The following LRP4 variants were observed in gnomAD, a reference collection of about 807,000 sequenced individuals.
LRP4 encodes LDL receptor related protein 4.
In LRP4, 95 loss-of-function variants were observed where a neutral mutation model predicts 220.3. The ratio of observed to expected loss-of-function variants is 0.43; its 90% CI spans 0.37 to 0.51. The LOEUF (loss-of-function observed/expected upper bound fraction) is 0.51. Among genes scored for constraint, LRP4 ranks in the 20% least tolerant of loss-of-function variants. The probability of loss-of-function intolerance (pLI) is 0.00; values close to 1 mark genes in which losing one functional copy is unlikely to be tolerated. For synonymous variants in LRP4, 903 were observed against 954.6 expected (o/e 0.95, Z 1.00); for missense variants, 1,925 against 2,567.0 (o/e 0.75, Z 5.40).
At chr11:46,901,216 A>G (rs78245033) in intron 2 of LRP4, among the ~76,000 whole-genome samples, 202 of 152,346 alleles carry the variant, frequency 1.3e-3, no homozygotes, top group African/African-American at 4.7e-3. Context: ...TGAGGGGTTC[A>G]CAGGGTAGGG....
At chr11:46,900,412 A>C in intron 2 of LRP4, 34 bp from the exon 3 acceptor site, 1 of 1,298,530 alleles carries the variant, frequency 7.7e-7, no homozygotes, top group South Asian at 1.2e-5. Flanking sequence ...AAAGTCAATC[A>C]ACCTGGTATT....
intron 1 of LRP4, among the ~76,000 whole-genome samples, chr11:46,915,541 C>T (rs1941934684): frequency 6.6e-6 from 1 of 152,118 alleles, no homozygotes; most frequent in Admixed American, 6.6e-5. Context: ...AAATAAGCAC[C>T]TTAAACTTTA....
At chr11:46,889,125 C>T (rs572856752) in intron 16 of LRP4, among the ~76,000 whole-genome samples, 1 of 152,208 alleles carries the variant, frequency 6.6e-6, no homozygotes, top group Non-Finnish European at 1.5e-5. Context: ...AACCCTCTTG[C>T]TGCCTATAGA....
chr11:46,883,925 A>G lies in LRP4; in HGVS notation c.2558T>C (p.Leu853Pro). 6.2e-7 allele frequency: 1 copy of G among 1,614,208 alleles called. No homozygotes were observed. The highest frequency in any genetic ancestry group is 8.5e-7 in the Non-Finnish European group (1 of 1,180,030). Residue 853 changes from leucine (L) to proline (P), a missense_variant, in exon 19 of 38, where the codon CTC becomes CCC. This residue lies in a region of LRP4 where 1,244 missense variants were observed against 1,624.9 expected (regional missense o/e 0.77). Coordinates refer to ENST00000378623, the MANE Select transcript of LRP4 (RefSeq NM_002334.4). ...AGGACGATCAAGGTTCTCCCAGATG[A>G]GTACTGTTCTCATGCTGCCATCTGT... ...ANTDGSMRTV[L>P]IWENLDRPRD...
chr11:46,880,029 C>G (rs1360944360), intron 20 of LRP4, among the ~76,000 whole-genome samples: 1 of 152,060 alleles, frequency 6.6e-6, no homozygotes, highest in Non-Finnish European at 1.5e-5. Context: ...TGCTTGAACC[C>G]GGGAGACAGA....
chr11:46,906,456 GAA>G (rs770537480), intron 1 of LRP4, among the ~76,000 whole-genome samples: 8 of 128,482 alleles, frequency 6.2e-5, no homozygotes, highest in South Asian at 2.5e-4. Flanking sequence ...ACTCTGTCTC[GAA>G]AAAAAAAAAA....
At position 46,873,200 on chromosome 11, in the gene LRP4, T is replaced by C; in HGVS notation, c.4483A>G (p.Lys1495Glu). Reference protein sequence around the residue: ...LFWTDWGHIAKIERANLDGSE... With the variant: ...LFWTDWGHIAEIERANLDGSE... ...CCATCCAAGTTTGCCCGTTCGATCT[T>C]GGCAATGTGGCCCCAGTCTGTCCAG... Residue 1495 changes from lysine (K) to glutamate (E), a missense_variant, in exon 30 of 38, where the codon AAG becomes GAG. Lys to Glu is a moderately conservative substitution (Grantham distance 56). Around this residue, in one of 3 missense-constraint regions of LRP4, gnomAD observed 1,244 missense variants for 1,624.9 expected, o/e 0.77. Transcript: ENST00000378623. The surrounding 1 kb of genome is among the most constrained non-coding windows in gnomAD (Gnocchi z 4.2). The C allele has an allele frequency of 1.2e-6, 2 of 1,614,172 alleles. No individual in the cohort carries two copies. Among genetic ancestry groups the C allele is most frequent in the Non-Finnish European group, 1.7e-6 (2 of 1,180,030 alleles).
At chr11:46,863,912 A>G (rs1383199004) in intron 36 of LRP4, among the ~76,000 whole-genome samples, 1 of 152,340 alleles carries the variant, frequency 6.6e-6, no homozygotes, top group African/African-American at 2.4e-5. Flanking sequence ...GATGAAGAAC[A>G]ACAGCAGCAA....
chr11:46,878,301 A>G (rs1322878822), intron 22 of LRP4, among the ~76,000 whole-genome samples: 3 of 117,436 alleles, frequency 2.6e-5, no homozygotes, highest in Non-Finnish European at 3.3e-5. Context: ...TTTTTTTGAG[A>G]CAGAGTCTCA....
chr11:46,861,456 CA>C lies in LRP4; in HGVS notation c.5385+1149del, dbSNP rs1722446511. Among the ~76,000 whole-genome samples, 3 of 142,410 alleles carry C rather than the reference CA, an allele frequency of 2.1e-5. No individual in the cohort carries two copies. In the South Asian group the frequency reaches 7.1e-4, roughly 34 times the overall value. 93.4% of individuals were successfully genotyped at this position (142,410 alleles called of 152,430 possible). ...GAGTTACAGGATTTTAGGAAAAAAA[CA>C]AGGCTTATATTGGATTAGGAAAATC... is the stretch of plus-strand genomic sequence containing the variant. On this transcript the variant is annotated intron_variant, in intron 37 of 37. Transcript: ENST00000378623.
At position 46,865,166 on chromosome 11, in the gene LRP4, C is replaced by A; in HGVS notation, c.5108G>T (p.Arg1703Met). Residue 1703 changes from arginine (R) to methionine (M), a missense_variant, in exon 35 of 38, where the codon AGG becomes ATG. By Grantham distance (91) the Arg-to-Met change is moderately conservative. This residue lies in a region of LRP4 where 1,244 missense variants were observed against 1,624.9 expected (regional missense o/e 0.77). Transcript: ENST00000378623. ...VEGRCSERDA[R>M]LGLCARSNDA... ...ATTGGAACGTGCACAGAGGCCCAGCCTGGCATCCCTTTCAGAGCATCTGTG... is the reference window on the plus strand; with the variant it reads ...ATTGGAACGTGCACAGAGGCCCAGCATGGCATCCCTTTCAGAGCATCTGTG... 6.4e-7 allele frequency: 1 copy of A among 1,558,250 alleles called. No individual in the cohort carries two copies. Among genetic ancestry groups the A allele is most frequent in the Non-Finnish European group, 8.7e-7 (1 of 1,150,190 alleles).
chr11:46,872,753 A>C (rs1940904323), intron 30 of LRP4, among the ~76,000 whole-genome samples: 1 of 152,178 alleles, frequency 6.6e-6, no homozygotes, highest in Non-Finnish European at 1.5e-5. Context: ...CAACAACAAC[A>C]AAGTTCCAGA....
rs1941291790 is a variant in LRP4 at position 46,886,315 on chromosome 11, T to C, written c.2424+10A>G. ...ATTCCACCCTTCAACCTCCCCACGC[T>C]GGGCCCTACCTCCTGTCCTGTTCCA... On this transcript the variant is annotated intron_variant, in intron 17 of 37. Coordinates refer to ENST00000378623, the MANE Select transcript of LRP4 (RefSeq NM_002334.4). 6.3e-7 allele frequency: 1 copy of C among 1,585,934 alleles called. No individual in the cohort carries two copies.
chr11:46,878,747 C>G (rs1051429144), intron 22 of LRP4, among the ~76,000 whole-genome samples, 160 bp downstream of exon 22: 1 of 152,144 alleles, frequency 6.6e-6, no homozygotes, highest in Non-Finnish European at 1.5e-5. Context: ...TCCCCAGGCC[C>G]GTCCCCTTTT....
intron 7 of LRP4, among the ~76,000 whole-genome samples, chr11:46,898,023 C>T (rs1458769440): frequency 1.4e-4 from 20 of 146,994 alleles, no homozygotes; most frequent in South Asian, 2.1e-4. Context: ...AACCTCCCTC[C>T]CGGACGGGGC....
chr11:46,862,959 C>T, intron 36 of LRP4: 3 of 581,696 alleles, frequency 5.2e-6, no homozygotes, highest in Non-Finnish European at 9.2e-6. Context: ...GTGATGGCTA[C>T]TAGATTAGGT....
intron 25 of LRP4, 148 bp downstream of exon 25, chr11:46,876,318 C>A (rs1480659667): frequency 4.6e-6 from 4 of 869,714 alleles, no homozygotes; most frequent in South Asian, 1.4e-5. Context: ...TGTCACCCTG[C>A]GAGAAGTCAC....
chr11:46,883,418 C>T (rs941749082), intron 19 of LRP4, among the ~76,000 whole-genome samples: 2 of 152,380 alleles, frequency 1.3e-5, no homozygotes, highest in East Asian at 1.9e-4. Context: ...AAGCCATAAA[C>T]AATAGCATGA....
At chr11:46,892,941 A>G in intron 13 of LRP4, 32 bp downstream of exon 13, 1 of 1,610,412 alleles carries the variant, frequency 6.2e-7, no homozygotes, top group African/African-American at 1.3e-5. Context: ...GAGAGGTTGC[A>G]AGAAAGTTCG....
Sources: gnomAD v4.1 joint callset for allele counts (sites outside exome capture counted in the v4.1 genomes callset) on GRCh38, gnomAD v4.1.1 for gene constraint, gnomAD v4.1.1 regional missense constraint, Gnocchi (gnomAD v3.1) non-coding constraint, MANE v1.5 for transcripts, NCBI Gene and HGNC (gene_info 2026-07-23, HGNC 2026-07-21) for gene names.